The following NAV3 variants were observed in gnomAD, a reference collection of about 807,000 sequenced individuals.
NAV3 encodes pore membrane and/or filament interacting like protein 1.
In NAV3, 87 loss-of-function variants were observed where a neutral mutation model predicts 244.7. The observed-to-expected ratio is 0.36, with a 90% CI of 0.30 to 0.42. The LOEUF (loss-of-function observed/expected upper bound fraction) is 0.42, where lower values mean the gene tolerates loss of function less well. Among genes scored for constraint, NAV3 ranks in the 20% least tolerant of loss-of-function variants. The pLI is 1.00. For synonymous variants in NAV3, 1,126 were observed against 1,042.2 expected, an observed-to-expected ratio of 1.08 and a Z score of -1.55; for missense variants, 2,663 against 2,893.3, an observed-to-expected ratio of 0.92 and a Z score of 1.83.
intron 1 of NAV3, among the ~76,000 whole-genome samples, chr12:77,895,857 A>G (rs1045389511): frequency 6.6e-6 from 1 of 150,500 alleles, no homozygotes; most frequent in African/African-American, 2.4e-5. Flanking sequence ...GAACTCATAT[A>G]AAAGTATAAA....
At chr12:78,055,241 TAC>T in intron 11 of NAV3, among the ~76,000 whole-genome samples, 1 of 954 alleles carries the variant, frequency 1.0e-3, no homozygotes, top group African/African-American at 2.3e-3. Flanking sequence ...TGTGTATATA[TAC>T]ATATATATGC....
intron 2 of NAV3, among the ~76,000 whole-genome samples, chr12:77,588,682 G>A (rs879372701): frequency 2.0e-5 from 3 of 152,142 alleles, no homozygotes; most frequent in Non-Finnish European, 4.4e-5. Context: ...GAATGAATGA[G>A]TGATTATAAT....
intron 2 of NAV3, among the ~76,000 whole-genome samples, chr12:77,690,219 A>T (rs954190762): frequency 1.3e-5 from 2 of 151,820 alleles, no homozygotes; most frequent in Admixed American, 6.6e-5. Context: ...AGTTGTTCTG[A>T]TGCATATGGT....
chr12:77,976,186 A>T (rs1462925194), intron 5 of NAV3, among the ~76,000 whole-genome samples: 1 of 152,220 alleles, frequency 6.6e-6, no homozygotes, highest in Non-Finnish European at 1.5e-5. Flanking sequence ...ACTTATTGCC[A>T]TGTGAGCTTT....
At chr12:77,696,540 G>A (rs2137183073) in intron 2 of NAV3, among the ~76,000 whole-genome samples, 1 of 152,272 alleles carries the variant, frequency 6.6e-6, no homozygotes, top group African/African-American at 2.4e-5. Flanking sequence ...GAGAGACCAT[G>A]AAGCAGAGGA....
chr12:78,121,844 C>A lies in NAV3; in HGVS notation c.3750-96C>A, dbSNP rs1336397450. 4 of 1,479,394 alleles carry A rather than the reference C, an allele frequency of 2.7e-6. No individual in the cohort carries two copies. In the Admixed American group the frequency reaches 7.7e-5, roughly 29 times the overall value. The allele number at this position is 1,479,394 out of a possible 1,614,324, so 91.6% of individuals were successfully genotyped here. A position where few individuals can be genotyped will look rare whatever the true frequency, so the allele number is the denominator to read the frequency against. ...GGAAGTGCTTTGTAGTTCAGTACAT[C>A]AAAGCACACTTGGCTCTGTGTACTG... is the stretch of plus-strand genomic sequence containing the variant. On this transcript the variant is annotated intron_variant, in intron 15 of 39. Coordinates refer to ENST00000397909, the MANE Select transcript of NAV3 (RefSeq NM_001024383.2).
intron 2 of NAV3, among the ~76,000 whole-genome samples, chr12:77,626,488 C>T (rs1304761306): frequency 6.6e-6 from 1 of 152,104 alleles, no homozygotes; most frequent in Non-Finnish European, 1.5e-5. Context: ...CCAAAAAGGT[C>T]TTTATAGCAC....
At chr12:78,122,494 C>T (rs2138711842) in intron 16 of NAV3, 66 bp downstream of exon 16, 1 of 1,491,052 alleles carries the variant, frequency 6.7e-7, no homozygotes. Context: ...TAACCCCCAC[C>T]CCATTAAATT....
At chr12:77,900,550 G>A (rs151145131) in intron 1 of NAV3, among the ~76,000 whole-genome samples, 3 of 151,872 alleles carry the variant, frequency 2.0e-5, no homozygotes, top group African/African-American at 7.2e-5. Context: ...GTATTCCATG[G>A]CGTGTGCACA....
chr12:77,785,872 C>T (rs1212698149), intron 2 of NAV3, among the ~76,000 whole-genome samples: 6 of 152,198 alleles, frequency 3.9e-5, no homozygotes, highest in Admixed American at 2.6e-4. Context: ...GGTCATCCCT[C>T]CTTCAATTTT....
chr12:77,969,154 G>A (rs911238176), intron 5 of NAV3, among the ~76,000 whole-genome samples: 18 of 151,802 alleles, frequency 1.2e-4, no homozygotes, highest in African/African-American at 4.1e-4. Context: ...GTGTGTGTGT[G>A]TGTGTGTGTG....
At chr12:77,738,391 T>G (rs761742860) in intron 2 of NAV3, among the ~76,000 whole-genome samples, 2 of 152,224 alleles carry the variant, frequency 1.3e-5, no homozygotes, top group African/African-American at 4.8e-5. Context: ...ACACTAGATG[T>G]AAAGCACACA....
intron 2 of NAV3, among the ~76,000 whole-genome samples, chr12:77,631,137 G>A (rs11106034): frequency 0.12 from 18,132 of 152,020 alleles, 1,999 homozygotes; most frequent in African/African-American, 0.29. Context: ...CTTTATTTTT[G>A]GAAATACATT....
At position 77,707,530 on chromosome 12, in the gene NAV3, A is replaced by C. The variant is rs530509219; in HGVS notation, c.72+135264A>C. ...AGTGCCACAATGAATATATGTGTGCATGTGTCTTTATAGCAGCATGATTTA... is the reference window on the plus strand; with the variant it reads ...AGTGCCACAATGAATATATGTGTGCCTGTGTCTTTATAGCAGCATGATTTA... On this transcript the variant is annotated intron_variant, in intron 2 of 8. Coordinates refer to the NAV3 transcript ENST00000550042. 1.8e-4 allele frequency among the ~76,000 whole-genome samples: 28 copies of C among 152,320 alleles called. No individual in the cohort carries two copies. In the South Asian group the frequency reaches 5.6e-3, roughly 30 times the overall value.
At chr12:78,151,682 G>T (rs556745547) in intron 22 of NAV3, among the ~76,000 whole-genome samples, 1 of 151,680 alleles carries the variant, frequency 6.6e-6, no homozygotes, top group African/African-American at 2.4e-5. Flanking sequence ...CTTTAGTTTT[G>T]TATTTTGAAT....
At chr12:77,956,344 C>A (rs143333515) in intron 3 of NAV3, among the ~76,000 whole-genome samples, 8 of 152,048 alleles carry the variant, frequency 5.3e-5, no homozygotes, top group African/African-American at 1.9e-4. Flanking sequence ...TCTACCTTCC[C>A]GAAATATCCA....
intron 18 of NAV3, among the ~76,000 whole-genome samples, chr12:78,133,889 A>T (rs1225736051): frequency 6.6e-6 from 1 of 152,236 alleles, no homozygotes; most frequent in Non-Finnish European, 1.5e-5. Flanking sequence ...ATTCAAAGCC[A>T]GGAGACACAC....
At chr12:78,079,172 C>T (rs553508790) in intron 12 of NAV3, among the ~76,000 whole-genome samples, 48 of 152,244 alleles carry the variant, frequency 3.2e-4, no homozygotes, top group Non-Finnish European at 5.4e-4. Context: ...AACTGATGTG[C>T]CATTGAGTCC....
At chr12:77,604,318 A>G (rs574689359) in intron 2 of NAV3, among the ~76,000 whole-genome samples, 7 of 152,160 alleles carry the variant, frequency 4.6e-5, no homozygotes, top group Admixed American at 2.6e-4. Flanking sequence ...AAATTGAATC[A>G]AGAATGCTGG....
Sources: allele counts gnomAD v4.1 joint callset (sites outside exome capture counted in the v4.1 genomes callset), GRCh38; gene constraint gnomAD v4.1.1; transcripts MANE v1.5; gene names NCBI Gene and HGNC (gene_info 2026-07-23, HGNC 2026-07-21).